Variants in PPP5C observed in about 807,000 individuals in gnomAD.
PPP5C encodes the protein serine/threonine-protein phosphatase 5.
PPP5C carries 21 observed loss-of-function variants against 66.7 expected under a neutral mutation model. The ratio of observed to expected loss-of-function variants is 0.31; its 90% CI spans 0.22 to 0.45. The LOEUF (loss-of-function observed/expected upper bound fraction) is 0.45. Ranked by LOEUF, PPP5C falls within the 20% of genes least tolerant of loss-of-function variation. The pLI is 1.00. For missense variants in PPP5C, 464 were observed against 675.9 expected (o/e 0.69, Z 3.48); for synonymous variants, 246 against 257.4 (o/e 0.96, Z 0.43).
chr19:46,384,575 C>T, intron 6 of PPP5C: 3 of 489,162 alleles, frequency 6.1e-6, no homozygotes, highest in Non-Finnish European at 1.1e-5. Flanking sequence ...TCCTCAGTGC[C>T]ATACTACTGA....
chr19:46,359,243 G>T (rs1252886515), intron 2 of PPP5C, among the ~76,000 whole-genome samples: 1 of 152,042 alleles, frequency 6.6e-6, no homozygotes, highest in East Asian at 1.9e-4. Flanking sequence ...CCTGAATCAA[G>T]TCACTGATTT....
At chr19:46,367,154 C>T (rs2147378532) in intron 2 of PPP5C, among the ~76,000 whole-genome samples, 1 of 152,338 alleles carries the variant, frequency 6.6e-6, no homozygotes, top group Admixed American at 6.5e-5. Context: ...AAGCACAACC[C>T]ACTCCCATCC....
intron 2 of PPP5C, among the ~76,000 whole-genome samples, chr19:46,363,637 G>A (rs576353855): frequency 2.0e-5 from 3 of 151,940 alleles, no homozygotes; most frequent in African/African-American, 7.2e-5. Context: ...CACCATGTTG[G>A]CCAGATGGTC....
In PPP5C at chr19:46,374,628, A is replaced by G. The variant is rs114806603; in HGVS notation, c.364-976A>G. 1.5e-3 allele frequency among the ~76,000 whole-genome samples: 232 copies of G among 152,268 alleles called. 1 individual carries two copies. Among genetic ancestry groups the G allele is most frequent in the African/African-American group, 5.3e-3 (220 of 41,560 alleles). On this transcript the variant is annotated intron_variant, in intron 2 of 12. Coordinates refer to ENST00000012443, the MANE Select transcript of PPP5C (RefSeq NM_006247.4). ...GGGCTCCTTTCACTGGGAACTTGCT[A>G]TGTCCCAAAGCTGAACGCCCCATGC...
Position 46,376,704 on chromosome 19 carries a change from TG to T in PPP5C, c.633+131del. ...CAGCCAACACCAAACAGGAGTCGTGTGCCGGACACTGTGCCGAGGGCTTACC... is the reference window on the plus strand; with the variant it reads ...CAGCCAACACCAAACAGGAGTCGTGTCCGGACACTGTGCCGAGGGCTTACC... On this transcript the variant is annotated intron_variant, in intron 4 of 12. Transcript: ENST00000012443. The surrounding 1 kb of genome is among the most constrained non-coding windows in gnomAD (Gnocchi z 5.1). 7.7e-7 allele frequency: 1 copy of T among 1,302,438 alleles called. No individual in the cohort carries two copies. The highest frequency in any genetic ancestry group is 1.4e-5 in the South Asian group (1 of 70,764). The allele number at this position is 1,302,438 out of a possible 1,614,324, so 80.7% of individuals were successfully genotyped here.
chr19:46,383,717 C>G lies in PPP5C; in HGVS notation c.700-63C>G. 1.5e-6 allele frequency: 2 copies of G among 1,362,488 alleles called. No homozygotes were observed. Among genetic ancestry groups the G allele is most frequent in the Non-Finnish European group, 2.1e-6 (2 of 953,462 alleles). 84.4% of individuals were successfully genotyped at this position (1,362,488 alleles called of 1,614,324 possible). On this transcript the variant is annotated intron_variant, in intron 5 of 12. Transcript: ENST00000012443. This position sits in a 1 kb window ranked among gnomAD's most constrained non-coding sequence, Gnocchi z 5.0. ...TGTGAACTCTTACCCTTCCCCTCAC[C>G]TCTGCCCCCTCCCCACGTCTCTCTC...
At chr19:46,384,592 G>T in intron 6 of PPP5C, 1 of 516,382 alleles carries the variant, frequency 1.9e-6, no homozygotes. Flanking sequence ...CTGAGGCTCA[G>T]CGGCCAAGCT....
At chr19:46,364,195 A>AAT (rs1183621348) in intron 2 of PPP5C, among the ~76,000 whole-genome samples, 1 of 151,942 alleles carries the variant, frequency 6.6e-6, no homozygotes, top group Non-Finnish European at 1.5e-5. Context: ...GGCATCAAAA[A>AAT]ATATATATAT....
chr19:46,389,943 C>G lies in PPP5C; in HGVS notation c.1356-108C>G. The G allele has an allele frequency of 5.2e-6, 5 of 961,328 alleles. No individual in the cohort carries two copies. In the South Asian group the frequency reaches 6.8e-5, roughly 13 times the overall value. 59.5% of individuals were successfully genotyped at this position (961,328 alleles called of 1,614,324 possible). A position where few individuals can be genotyped will look rare whatever the true frequency, so the allele number is the denominator to read the frequency against. On this transcript the variant is annotated intron_variant, in intron 11 of 12. Transcript: ENST00000012443. ...CTGTCCATCTGTGTCTGTTGTGGCT[C>G]TGTCCCTCCCTCTCCCTCTGTCCCT...
At chr19:46,384,081 G>T in intron 6 of PPP5C, 1 of 577,284 alleles carries the variant, frequency 1.7e-6, no homozygotes, top group Non-Finnish European at 3.1e-6. Flanking sequence ...GCCTGGGCCA[G>T]CACCCACCTG....
intron 1 of PPP5C, among the ~76,000 whole-genome samples, chr19:46,353,314 C>A (rs1260795758): frequency 6.6e-6 from 1 of 152,190 alleles, no homozygotes; most frequent in Middle Eastern, 3.2e-3. Flanking sequence ...AGTGTCCAGA[C>A]CTCACTGTGG....
chr19:46,362,289 G>T (rs2147372208), intron 2 of PPP5C, among the ~76,000 whole-genome samples: 1 of 152,148 alleles, frequency 6.6e-6, no homozygotes, highest in South Asian at 2.1e-4. Flanking sequence ...AGAAATATAG[G>T]GTTTCTAATG....
Position 46,383,969 on chromosome 19 carries a change from A to C in PPP5C, c.798+91A>C. The C allele has an allele frequency of 9.1e-7, 1 of 1,100,934 alleles. No individual in the cohort carries two copies. Among genetic ancestry groups the C allele is most frequent in the Non-Finnish European group, 1.4e-6 (1 of 733,886 alleles). The allele number at this position is 1,100,934 out of a possible 1,614,324, so 68.2% of individuals were successfully genotyped here. ...AGAGTGGGAGGAGCCCTTGCCAGGA[A>C]AAGACGTGACCTTGGAAAGGAGAGG... is the stretch of plus-strand genomic sequence containing the variant. On this transcript the variant is annotated intron_variant, in intron 6 of 12. Transcript: ENST00000012443. The surrounding 1 kb of genome is among the most constrained non-coding windows in gnomAD (Gnocchi z 5.0).
At chr19:46,349,230 G>A (rs1257086058) in intron 1 of PPP5C, among the ~76,000 whole-genome samples, 1 of 152,012 alleles carries the variant, frequency 6.6e-6, no homozygotes, top group Admixed American at 6.6e-5. Flanking sequence ...GGAGGCAGAG[G>A]CTGCAGTGAG....
At chr19:46,365,283 A>G (rs1972471105) in intron 2 of PPP5C, among the ~76,000 whole-genome samples, 1 of 151,084 alleles carries the variant, frequency 6.6e-6, no homozygotes, top group South Asian at 2.1e-4. Context: ...ATGCCCAGCT[A>G]ATGTTTGTGT....
Position 46,347,195 on chromosome 19 carries a change from T to C in PPP5C, c.99T>C (p.Thr33=). The C allele has an allele frequency of 6.2e-7, 1 of 1,606,778 alleles. No homozygotes were observed. The change falls in exon 1 of 13, where the codon ACT becomes ACC. Residue 33 remains threonine, a synonymous_variant. Coordinates refer to ENST00000012443, the MANE Select transcript of PPP5C (RefSeq NM_006247.4). The part of the protein sequence containing the change: ...GALKRAEELK[T]QANDYFKAKD... ...TGAAGCGGGCAGAGGAGCTCAAGAC[T>C]CAGGCCAATGACTACTTCAAAGGTG...
In PPP5C at chr19:46,348,562, T is replaced by C. The variant is rs148899202; in HGVS notation, c.121+1345T>C. Among the ~76,000 whole-genome samples the C allele has an allele frequency of 1.4e-3, 216 of 152,102 alleles. 1 individual carries two copies. Among genetic ancestry groups the C allele is most frequent in the African/African-American group, 5.0e-3 (206 of 41,498 alleles). On this transcript the variant is annotated intron_variant, in intron 1 of 12. Transcript: ENST00000012443. ...CCTCTGACCGCAGGTGATCCGCCCATCTCGGCCTCTCAAAGTGCTGGGATT... is the reference window on the plus strand; with the variant it reads ...CCTCTGACCGCAGGTGATCCGCCCACCTCGGCCTCTCAAAGTGCTGGGATT...
chr19:46,383,755 TC>T lies in PPP5C; in HGVS notation c.700-24del, dbSNP rs1568576370. 1 of 1,584,450 alleles carries T rather than the reference TC, an allele frequency of 6.3e-7. No homozygotes were observed. The highest frequency in any genetic ancestry group is 1.1e-5 in the South Asian group (1 of 90,460). ...CCACGTCTCTCTCTCGGCCCGTCCC[TC>T]TCCGGTGGCCTCTTTTCTTTCAGAC... On this transcript the variant is annotated intron_variant, in intron 5 of 12. Coordinates refer to ENST00000012443, the MANE Select transcript of PPP5C (RefSeq NM_006247.4). The surrounding 1 kb of genome is among the most constrained non-coding windows in gnomAD (Gnocchi z 5.0).
intron 2 of PPP5C, among the ~76,000 whole-genome samples, chr19:46,354,721 C>T (rs1229448291): frequency 6.6e-6 from 1 of 151,974 alleles, no homozygotes; most frequent in Non-Finnish European, 1.5e-5. Flanking sequence ...TACTTGAGCT[C>T]AGGAGCTCAA....
Sources: allele counts gnomAD v4.1 joint callset (sites outside exome capture counted in the v4.1 genomes callset), GRCh38; gene constraint gnomAD v4.1.1; non-coding constraint Gnocchi (gnomAD v3.1); transcripts MANE v1.5; gene names NCBI Gene and HGNC (gene_info 2026-07-23, HGNC 2026-07-21).